Variants in TTC27 observed in about 807,000 individuals in gnomAD.
TTC27 encodes the protein tetratricopeptide repeat protein 27.
TTC27 carries 79 observed loss-of-function variants against 115.9 expected under a neutral mutation model. That is an observed-to-expected ratio of 0.68 (90% CI 0.57 to 0.82). The LOEUF (loss-of-function observed/expected upper bound fraction) is 0.82. TTC27 is among the 40% of genes least tolerant of loss of function. TTC27 has a pLI of 0.00. For synonymous variants in TTC27, 401 were observed against 356.0 expected (o/e 1.13, Z -1.42); for missense variants, 1,054 against 993.1 (o/e 1.06, Z -0.82).
At chr2:32,709,492 C>G (rs1340159159) in intron 10 of TTC27, among the ~76,000 whole-genome samples, 1 of 152,054 alleles carries the variant, frequency 6.6e-6, no homozygotes, top group Non-Finnish European at 1.5e-5. Context: ...GGATGGGACC[C>G]AAATCTAAAC....
chr2:32,777,091 G>C (rs1262872155), intron 13 of TTC27, among the ~76,000 whole-genome samples: 1 of 152,090 alleles, frequency 6.6e-6, no homozygotes, highest in East Asian at 1.9e-4. Flanking sequence ...TAACTATTTG[G>C]TAATCCAGAT....
intron 16 of TTC27, among the ~76,000 whole-genome samples, chr2:32,807,097 C>A (rs1671156802): frequency 6.6e-6 from 1 of 152,200 alleles, no homozygotes; most frequent in East Asian, 1.9e-4. Flanking sequence ...CCCCAAATAC[C>A]CTCAAGGTAA....
intron 9 of TTC27, among the ~76,000 whole-genome samples, chr2:32,700,834 C>T (rs1384362630): frequency 6.6e-6 from 1 of 152,050 alleles, no homozygotes; most frequent in Non-Finnish European, 1.5e-5. Flanking sequence ...GCCATCACGC[C>T]CTGCCTGAAA....
chr2:32,631,331 C>G (rs1572455293), intron 2 of TTC27, among the ~76,000 whole-genome samples: 1 of 152,114 alleles, frequency 6.6e-6, no homozygotes, highest in East Asian at 1.9e-4. Context: ...AAAAAACATA[C>G]TTTCAATCTT....
rs560016099 is a variant in TTC27, at chr2:32,755,395, A to G, written c.1453-2897A>G. Among the ~76,000 whole-genome samples the G allele has an allele frequency of 3.3e-5, 5 of 152,356 alleles. 1 individual carries two copies. In the South Asian group the frequency reaches 8.3e-4, roughly 25 times the overall value. ...TAGGAGCTGGAGACCAGCCCGGCCA[A>G]CACAGCGAAACCCCGTCTCCACCAA... On this transcript the variant is annotated intron_variant, in intron 12 of 19. Transcript: ENST00000317907.
intron 16 of TTC27, among the ~76,000 whole-genome samples, chr2:32,792,174 G>A (rs911070928): frequency 6.6e-6 from 1 of 152,192 alleles, no homozygotes. Flanking sequence ...TTTATTTGAT[G>A]CTTTCTTTGG....
At chr2:32,806,824 AT>A (rs1461735007) in intron 16 of TTC27, among the ~76,000 whole-genome samples, 1 of 152,144 alleles carries the variant, frequency 6.6e-6, no homozygotes, top group African/African-American at 2.4e-5. Context: ...ACTTTTTAAG[AT>A]TGAATATTAG....
At chr2:32,737,447 A>G (rs1222275654) in intron 12 of TTC27, among the ~76,000 whole-genome samples, 2 of 152,180 alleles carry the variant, frequency 1.3e-5, no homozygotes, top group Non-Finnish European at 2.9e-5. Context: ...TTAAAAATTT[A>G]AAAGACTTAA....
chr2:32,653,951 C>CGG (rs1665228197), intron 5 of TTC27, among the ~76,000 whole-genome samples: 1 of 152,178 alleles, frequency 6.6e-6, no homozygotes, highest in African/African-American at 2.4e-5. Context: ...CCATTGTTGA[C>CGG]TCATTGCTTT....
intron 9 of TTC27, among the ~76,000 whole-genome samples, chr2:32,694,656 A>T (rs1343948990): frequency 6.6e-6 from 1 of 151,586 alleles, no homozygotes; most frequent in African/African-American, 2.4e-5. Flanking sequence ...ACAAAATTTG[A>T]ATGTAAGATT....
intron 8 of TTC27, among the ~76,000 whole-genome samples, chr2:32,673,723 G>A (rs935623085): frequency 2.6e-5 from 4 of 152,102 alleles, no homozygotes; most frequent in Admixed American, 2.0e-4. Flanking sequence ...GACCAGGTGC[G>A]GTGTCTTATG....
intron 10 of TTC27, among the ~76,000 whole-genome samples, chr2:32,714,200 C>T (rs1334334110): frequency 1.3e-5 from 2 of 149,520 alleles, no homozygotes; most frequent in Non-Finnish European, 3.0e-5. Flanking sequence ...GCTCTGTCGC[C>T]CAGGCTGGAG....
At chr2:32,670,797 T>C (rs1410144251) in intron 7 of TTC27, among the ~76,000 whole-genome samples, 1 of 152,044 alleles carries the variant, frequency 6.6e-6, no homozygotes, top group Non-Finnish European at 1.5e-5. Context: ...TTTGTATTTT[T>C]GGTAGAGACG....
intron 9 of TTC27, among the ~76,000 whole-genome samples, chr2:32,695,750 G>A (rs1158844122): frequency 2.4e-5 from 2 of 84,632 alleles, no homozygotes; most frequent in Non-Finnish European, 4.7e-5. Context: ...AAAAAAAAAA[G>A]CTGGGTGTGG....
intron 5 of TTC27, among the ~76,000 whole-genome samples, chr2:32,661,551 C>A (rs1665548384): frequency 6.6e-6 from 1 of 152,136 alleles, no homozygotes. Flanking sequence ...GGAGTTCACT[C>A]ATGATTTGGC....
At chr2:32,792,720 T>G (rs1670579059) in intron 16 of TTC27, among the ~76,000 whole-genome samples, 2 of 152,190 alleles carry the variant, frequency 1.3e-5, no homozygotes, top group African/African-American at 4.8e-5. Context: ...GTTAAGGCAG[T>G]CCTATTCCTT....
chr2:32,729,926 A>G (rs998584199), intron 10 of TTC27, among the ~76,000 whole-genome samples: 18 of 152,204 alleles, frequency 1.2e-4, no homozygotes, highest in African/African-American at 4.1e-4. Context: ...AACTGGAAAG[A>G]GAAAATGGGT....
Position 32,736,759 on chromosome 2 carries a change from G to C in TTC27, c.1395G>C (p.Lys465Asn). 6.2e-7 allele frequency: 1 copy of C among 1,614,040 alleles called. No individual in the cohort carries two copies. The highest frequency in any genetic ancestry group is 8.5e-7 in the Non-Finnish European group (1 of 1,179,968). Residue 465 changes from lysine to asparagine, a missense_variant, in exon 12 of 20, where the codon AAG (lysine) becomes AAC (asparagine). Physicochemically the swap from Lys to Asn is moderately conservative, Grantham distance 94 (BLOSUM62 0). Coordinates refer to ENST00000317907, the MANE Select transcript of TTC27 (RefSeq NM_017735.5). ...CTSSALQIFE[K>N]LEMWEDVVIC... ...GTTCAGCCCTTCAGATATTTGAAAA[G>C]CTAGAAATGTGGGAAGATGTTGTCA... is the stretch of plus-strand genomic sequence containing the variant.
chr2:32,675,361 G>A (rs1666160799), intron 8 of TTC27, among the ~76,000 whole-genome samples: 1 of 152,164 alleles, frequency 6.6e-6, no homozygotes, highest in Non-Finnish European at 1.5e-5. Flanking sequence ...CATTATGTCA[G>A]CTGAACTATA....
Sources: gnomAD v4.1 joint callset for allele counts (sites outside exome capture counted in the v4.1 genomes callset) on GRCh38, gnomAD v4.1.1 for gene constraint, MANE v1.5 for transcripts, NCBI Gene and HGNC (gene_info 2026-07-23, HGNC 2026-07-21) for gene names.